The following ZBTB20 variants were observed in gnomAD, a reference collection of about 807,000 sequenced individuals.
ZBTB20 encodes the protein zinc finger and BTB domain containing 20, also known as zinc finger and BTB domain-containing protein 20.
Under a neutral mutation model 56.9 loss-of-function variants are expected in ZBTB20, and 9 were observed. The observed-to-expected ratio is 0.16, with a 90% CI of 0.10 to 0.28. The LOEUF (loss-of-function observed/expected upper bound fraction) is 0.28, where lower values mean the gene tolerates loss of function less well. ZBTB20 is among the 10% of genes least tolerant of loss of function. The pLI is 1.00. For missense variants in ZBTB20, 655 were observed against 1,003.0 expected (o/e 0.65, Z 4.69); for synonymous variants, 417 against 420.7 (o/e 0.99, Z 0.11).
intron 6 of ZBTB20, among the ~76,000 whole-genome samples, chr3:114,543,204 G>C (rs1305182127): frequency 1.3e-5 from 2 of 151,854 alleles, no homozygotes; most frequent in Non-Finnish European, 2.9e-5. Context: ...ATAAACACTA[G>C]GTAAGTGGTT....
chr3:114,728,298 A>C (rs1304023511), intron 5 of ZBTB20, among the ~76,000 whole-genome samples: 1 of 152,216 alleles, frequency 6.6e-6, no homozygotes, highest in Non-Finnish European at 1.5e-5. Flanking sequence ...TGTCTCAAAA[A>C]TCCTGTGGGG....
At chr3:114,430,784 A>G (rs1217794649) in intron 7 of ZBTB20, among the ~76,000 whole-genome samples, 6 of 152,216 alleles carry the variant, frequency 3.9e-5, no homozygotes, top group Non-Finnish European at 7.4e-5. Context: ...AACCTGGCAC[A>G]GTGAATTCCC....
chr3:114,369,707 C>T (rs771236018), intron 10 of ZBTB20, among the ~76,000 whole-genome samples: 1 of 152,072 alleles, frequency 6.6e-6, no homozygotes, highest in Non-Finnish European at 1.5e-5. Flanking sequence ...TGAGGATGTC[C>T]CATGACAATG....
At chr3:115,036,218 G>T (rs537263769) in intron 2 of ZBTB20, among the ~76,000 whole-genome samples, 1 of 151,942 alleles carries the variant, frequency 6.6e-6, no homozygotes, top group East Asian at 1.9e-4. Context: ...AATTGAATAA[G>T]GTGGTGTATT....
At chr3:114,360,415 G>C (rs902195790) in intron 10 of ZBTB20, among the ~76,000 whole-genome samples, 1 of 150,000 alleles carries the variant, frequency 6.7e-6, no homozygotes, top group African/African-American at 2.5e-5. Flanking sequence ...GCGATCTCCA[G>C]CTCACTGCAA....
At chr3:114,884,116 G>A (rs1050470725) in intron 4 of ZBTB20, among the ~76,000 whole-genome samples, 5 of 150,420 alleles carry the variant, frequency 3.3e-5, no homozygotes, top group African/African-American at 9.8e-5. Context: ...TAGTAGAGAC[G>A]GGGTTTCACC....
At chr3:114,494,617 T>C (rs1422886269) in intron 7 of ZBTB20, among the ~76,000 whole-genome samples, 2 of 152,224 alleles carry the variant, frequency 1.3e-5, no homozygotes, top group Non-Finnish European at 2.9e-5. Context: ...TCCAAATTTG[T>C]AAGCACAGGA....
intron 6 of ZBTB20, among the ~76,000 whole-genome samples, chr3:114,598,615 A>G (rs1465023188): frequency 6.6e-6 from 1 of 152,040 alleles, no homozygotes; most frequent in Non-Finnish European, 1.5e-5. Flanking sequence ...CTAATTACAT[A>G]TTTTTCTATT....
Position 115,060,992 on chromosome 3 carries a change from T to C in ZBTB20, c.-507+10227A>G, listed in dbSNP as rs140556845. On this transcript the variant is annotated intron_variant, in intron 2 of 11. Coordinates refer to ENST00000675478, the MANE Select transcript of ZBTB20 (RefSeq NM_001348800.3). Reference sequence around the variant, plus strand: ...TTAATATTTTATATGTTTGCTTGTATCCATTATTTTATATCTTCCGATTCT... The same window carrying C: ...TTAATATTTTATATGTTTGCTTGTACCCATTATTTTATATCTTCCGATTCT... Among the ~76,000 whole-genome samples the C allele has an allele frequency of 1.6e-4, 24 of 152,258 alleles. No homozygotes were observed. In the East Asian group the frequency reaches 4.6e-3, roughly 29 times the overall value.
chr3:114,781,759 G>T (rs1012011251), intron 5 of ZBTB20, among the ~76,000 whole-genome samples: 1 of 152,104 alleles, frequency 6.6e-6, no homozygotes, highest in Non-Finnish European at 1.5e-5. Context: ...AATCATGGGG[G>T]CGGTTTCCCC....
intron 6 of ZBTB20, among the ~76,000 whole-genome samples, chr3:114,544,226 T>G (rs527938890): frequency 1.3e-5 from 2 of 152,310 alleles, no homozygotes; most frequent in East Asian, 3.9e-4. Flanking sequence ...ATTTAAATCA[T>G]TTAAGTATTT....
At chr3:114,706,296 T>C (rs777138852) in intron 5 of ZBTB20, among the ~76,000 whole-genome samples, 1 of 152,136 alleles carries the variant, frequency 6.6e-6, no homozygotes, top group African/African-American at 2.4e-5. Flanking sequence ...GGGCATTAAA[T>C]ATTAATTATT....
At chr3:114,847,656 T>A (rs1253829119) in intron 4 of ZBTB20, among the ~76,000 whole-genome samples, 1 of 152,040 alleles carries the variant, frequency 6.6e-6, no homozygotes, top group East Asian at 1.9e-4. Context: ...GGTTTGCATG[T>A]GTGTGTTTCT....
intron 7 of ZBTB20, among the ~76,000 whole-genome samples, chr3:114,464,068 C>T (rs2092439661): frequency 6.6e-6 from 1 of 152,184 alleles, no homozygotes; most frequent in Non-Finnish European, 1.5e-5. Context: ...TCCCTGAGGA[C>T]AATTCCTGAT....
intron 6 of ZBTB20, among the ~76,000 whole-genome samples, chr3:114,590,640 C>G (rs1192014683): frequency 6.6e-6 from 1 of 151,912 alleles, no homozygotes; most frequent in Non-Finnish European, 1.5e-5. Context: ...AAGAGTGATC[C>G]TTTAATCTCC....
chr3:114,522,046 G>A lies in ZBTB20; in HGVS notation c.-294-21655C>T, dbSNP rs190846637. Among the ~76,000 whole-genome samples, 572 of 151,766 alleles carry A rather than the reference G, an allele frequency of 3.8e-3. 4 individuals carry two copies. The highest frequency in any genetic ancestry group is 0.013 in the African/African-American group (540 of 41,362). ...AGGCAAAAAACAAACAAACAAAACC[G>A]AAAAAAACCTCACAATCATGGGGCT... On this transcript the variant is annotated intron_variant, in intron 6 of 11. Coordinates refer to ENST00000675478, the MANE Select transcript of ZBTB20 (RefSeq NM_001348800.3).
intron 3 of ZBTB20, among the ~76,000 whole-genome samples, chr3:114,951,073 T>C (rs1012239166): frequency 3.3e-5 from 5 of 152,172 alleles, no homozygotes; most frequent in African/African-American, 1.2e-4. Flanking sequence ...GGTCTGCTAA[T>C]GTTTTTTTAT....
intron 2 of ZBTB20, among the ~76,000 whole-genome samples, chr3:115,021,438 A>T (rs1267255176): frequency 6.6e-6 from 1 of 150,920 alleles, no homozygotes; most frequent in East Asian, 1.9e-4. Context: ...TATACACGTA[A>T]AGTTAAGAAA....
intron 7 of ZBTB20, among the ~76,000 whole-genome samples, chr3:114,438,625 A>G (rs902884684): frequency 3.3e-5 from 5 of 152,164 alleles, no homozygotes; most frequent in Non-Finnish European, 7.4e-5. Flanking sequence ...AGGAATTGAA[A>G]AAGGTATCAT....
Sources: allele counts gnomAD v4.1 joint callset (sites outside exome capture counted in the v4.1 genomes callset), GRCh38; gene constraint gnomAD v4.1.1; transcripts MANE v1.5; gene names NCBI Gene and HGNC (gene_info 2026-07-23, HGNC 2026-07-21).